SDK1: variants seen among roughly 807,000 people sequenced by gnomAD.
SDK1 encodes sidekick cell adhesion molecule 1.
A neutral mutation model predicts 245.5 loss-of-function variants in SDK1; 157 were observed. That is an observed-to-expected ratio of 0.64 (90% CI 0.56 to 0.73). The LOEUF (loss-of-function observed/expected upper bound fraction) is 0.73. Ranked by LOEUF, SDK1 falls within the 30% of genes least tolerant of loss-of-function variation. SDK1 has a pLI of 0.00. For missense variants in SDK1, 3,583 were observed against 3,002.3 expected (o/e 1.19, Z -4.52); for synonymous variants, 1,647 against 1,278.5 (o/e 1.29, Z -6.15).
At chr7:3,900,886 T>A (rs571157977) in intron 5 of SDK1, among the ~76,000 whole-genome samples, 2 of 152,330 alleles carry the variant, frequency 1.3e-5, no homozygotes, top group East Asian at 3.9e-4. Flanking sequence ...AAATTTCGCA[T>A]TGATTTATGT....
intron 4 of SDK1, among the ~76,000 whole-genome samples, chr7:3,748,035 T>C (rs939018817): frequency 1.3e-4 from 20 of 152,254 alleles, no homozygotes; most frequent in Admixed American, 3.9e-4. Context: ...TTATACTGTA[T>C]ATCACAGTTA....
At chr7:3,959,967 G>A (rs964683821) in intron 8 of SDK1, among the ~76,000 whole-genome samples, 5 of 152,088 alleles carry the variant, frequency 3.3e-5, no homozygotes, top group Admixed American at 6.5e-5. Flanking sequence ...AGGCAGTTTC[G>A]TTAAGAAAAG....
chr7:3,773,934 G>T (rs183616985), intron 4 of SDK1, among the ~76,000 whole-genome samples: 1 of 152,058 alleles, frequency 6.6e-6, no homozygotes, highest in African/African-American at 2.4e-5. Flanking sequence ...CTGGCCTTTG[G>T]CCAGGCACGG....
At chr7:4,091,046 G>A (rs565169386) in intron 22 of SDK1, among the ~76,000 whole-genome samples, 5 of 152,038 alleles carry the variant, frequency 3.3e-5, no homozygotes, top group Non-Finnish European at 7.4e-5. Context: ...TGCCTTCTTT[G>A]CCCAGATCCT....
At chr7:3,470,428 TCAAA>T (rs1469209965) in intron 1 of SDK1, among the ~76,000 whole-genome samples, 5 of 152,152 alleles carry the variant, frequency 3.3e-5, no homozygotes, top group Non-Finnish European at 7.4e-5. Context: ...AAATTTGTAA[TCAAA>T]CAATTTAATT....
chr7:3,352,911 T>G (rs1179945783), intron 1 of SDK1, among the ~76,000 whole-genome samples: 1 of 152,064 alleles, frequency 6.6e-6, no homozygotes, highest in African/African-American at 2.4e-5. Flanking sequence ...GTTGAAGAAA[T>G]AATTTGTCAC....
intron 4 of SDK1, among the ~76,000 whole-genome samples, chr7:3,803,191 A>T (rs1779148594): frequency 6.6e-6 from 1 of 152,132 alleles, no homozygotes; most frequent in African/African-American, 2.4e-5. Context: ...GCATTTCCCT[A>T]ATGGCTAGTG....
chr7:3,401,536 A>G (rs1455784415), intron 1 of SDK1, among the ~76,000 whole-genome samples: 2 of 152,178 alleles, frequency 1.3e-5, no homozygotes, highest in Non-Finnish European at 2.9e-5. Flanking sequence ...GGGGAAAATA[A>G]CAAGACCACT....
At chr7:3,856,827 T>C (rs1780560112) in intron 5 of SDK1, among the ~76,000 whole-genome samples, 1 of 152,188 alleles carries the variant, frequency 6.6e-6, no homozygotes, top group African/African-American at 2.4e-5. Flanking sequence ...TTATAGGATA[T>C]AAATTTTTTA....
intron 5 of SDK1, among the ~76,000 whole-genome samples, chr7:3,845,463 C>A (rs1020802966): frequency 7.7e-6 from 1 of 129,656 alleles, no homozygotes; most frequent in Admixed American, 8.8e-5. Flanking sequence ...GCACTCCAGC[C>A]TGGTGACAGA....
intron 1 of SDK1, among the ~76,000 whole-genome samples, chr7:3,493,033 G>C (rs995351167): frequency 6.6e-6 from 1 of 151,976 alleles, no homozygotes; most frequent in Non-Finnish European, 1.5e-5. Flanking sequence ...TCACTGCAAG[G>C]TCTGCCTCCC....
Position 4,265,563 on chromosome 7 carries a change from C to G in SDK1, c.*179C>G. 1.5e-6 allele frequency: 2 copies of G among 1,339,396 alleles called. No homozygotes were observed. The highest frequency in any genetic ancestry group is 9.5e-7 in the Non-Finnish European group (1 of 1,054,238). The allele number at this position is 1,339,396 out of a possible 1,614,324, so 83.0% of individuals were successfully genotyped here. On this transcript the variant is annotated 3_prime_UTR_variant, in exon 45 of 45. Transcript: ENST00000404826. ...TTTCAATTAGGAAGGTTTTTTTAAACGGCTTTTTGTAACTTCGCTGCAGGA... is the reference window on the plus strand; with the variant it reads ...TTTCAATTAGGAAGGTTTTTTTAAAGGGCTTTTTGTAACTTCGCTGCAGGA...
chr7:4,061,079 G>C (rs2128170824), intron 19 of SDK1, among the ~76,000 whole-genome samples: 1 of 152,350 alleles, frequency 6.6e-6, no homozygotes, highest in East Asian at 1.9e-4. Context: ...GTAGCGTGAT[G>C]CTTCCAGCTT....
chr7:3,523,103 T>C (rs539059676), intron 1 of SDK1, among the ~76,000 whole-genome samples: 14 of 152,338 alleles, frequency 9.2e-5, no homozygotes, highest in Middle Eastern at 3.4e-3. Context: ...AATTTAGATA[T>C]TGCTTTTGAA....
Position 3,605,145 on chromosome 7 carries a change from A to AACACACACACACACACACAC in SDK1, c.299-13934_299-13915dup, listed in dbSNP as rs3086077. Reference sequence around the variant, plus strand: ...GCACTTGAGGAAAAAAAAAACAAGAAACACACACACACACACACACTAGGT... The same window carrying AACACACACACACACACACAC: ...GCACTTGAGGAAAAAAAAAACAAGAAACACACACACACACACACACACACACACACACACACACACTAGGT... On this transcript the variant is annotated intron_variant, in intron 1 of 44. Transcript: ENST00000404826. Among the ~76,000 whole-genome samples the AACACACACACACACACACAC allele has an allele frequency of 3.5e-3, 516 of 147,374 alleles. 7 individuals are homozygous for AACACACACACACACACACAC. Among genetic ancestry groups the AACACACACACACACACACAC allele is most frequent in the South Asian group, 8.1e-3 (38 of 4,694 alleles).
In SDK1 at chr7:4,178,493, A is replaced by G. The variant is rs766893755; in HGVS notation, c.5005A>G (p.Lys1669Glu). 6.2e-7 allele frequency: 1 copy of G among 1,612,964 alleles called. No individual in the cohort carries two copies. Among genetic ancestry groups the G allele is most frequent in the Non-Finnish European group, 8.5e-7 (1 of 1,178,954 alleles). Reference sequence around the variant, plus strand: ...TTCCTTCAACCCTGCAGATTTAAAGAAGTACCGGCGCTATGAAGTAATAAT... The same window carrying G: ...TTCCTTCAACCCTGCAGATTTAAAGGAGTACCGGCGCTATGAAGTAATAAT... ...STMCELTHLK[K>E]YRRYEVIMTA... The change falls in exon 35 of 45, where the codon AAG becomes GAG. Residue 1669 changes from lysine (K) to glutamate (E), a missense_variant. Physicochemically the swap from Lys to Glu is moderately conservative, Grantham distance 56. Coordinates refer to ENST00000404826, the MANE Select transcript of SDK1 (RefSeq NM_152744.4).
At position 3,962,693 on chromosome 7, in the gene SDK1, C is replaced by G. The variant is rs1024397823; in HGVS notation, c.1271C>G (p.Ala424Gly). ...PLPTLQWYKDAISISRLQNPR... is the reference protein window; with the variant it reads ...PLPTLQWYKDGISISRLQNPR... ...CCCACCCTCCAGTGGTACAAGGATG[C>G]CATCTCCATCAGCAGGCTCCAGAAT... Residue 424 changes from alanine (A) to glycine (G), a missense_variant, in exon 9 of 45, where the codon GCC becomes GGC. Coordinates refer to ENST00000404826, the MANE Select transcript of SDK1 (RefSeq NM_152744.4). 15 of 1,613,410 alleles carry G rather than the reference C, an allele frequency of 9.3e-6. 1 individual carries two copies. In the South Asian group the frequency reaches 1.2e-4, roughly 13 times the overall value.
chr7:4,220,312 T>G (rs1324200564), intron 39 of SDK1, 42 bp downstream of exon 39: 2 of 1,589,404 alleles, frequency 1.3e-6, no homozygotes, highest in African/African-American at 2.7e-5. Context: ...ATTGCAACTT[T>G]AGCCTCCCGC....
At chr7:3,583,719 G>GCATGC (rs1292886367) in intron 1 of SDK1, among the ~76,000 whole-genome samples, 2 of 152,112 alleles carry the variant, frequency 1.3e-5, no homozygotes, top group Non-Finnish European at 1.5e-5. Context: ...GAGAGGCATG[G>GCATGC]CATGCCACAG....
Sources: gnomAD v4.1 joint callset for allele counts (sites outside exome capture counted in the v4.1 genomes callset) on GRCh38, gnomAD v4.1.1 for gene constraint, MANE v1.5 for transcripts, NCBI Gene and HGNC (gene_info 2026-07-23, HGNC 2026-07-21) for gene names.